The following CREBRF variants were observed in gnomAD, a reference collection of about 807,000 sequenced individuals.
CREBRF encodes UPF0474 protein C5orf41.
CREBRF carries 5 observed loss-of-function variants against 66.1 expected under a neutral mutation model. The ratio of observed to expected loss-of-function variants is 0.08; its 90% CI spans 0.04 to 0.16. The LOEUF is 0.16. Ranked by LOEUF, CREBRF falls within the 10% of genes least tolerant of loss-of-function variation. The pLI is 1.00. For missense variants in CREBRF, 531 were observed against 744.9 expected, an observed-to-expected ratio of 0.71 and a Z score of 3.34; for synonymous variants, 229 against 264.4, an observed-to-expected ratio of 0.87 and a Z score of 1.30.
intron 3 of CREBRF, among the ~76,000 whole-genome samples, chr5:173,087,524 C>T (rs1358969044): frequency 1.3e-5 from 2 of 149,710 alleles, no homozygotes; most frequent in African/African-American, 4.9e-5. Flanking sequence ...GGTGAAATTC[C>T]GTCTCTGCTA....
At chr5:173,125,488 T>C (rs1032318228) in intron 8 of CREBRF, among the ~76,000 whole-genome samples, 1 of 152,242 alleles carries the variant, frequency 6.6e-6, no homozygotes, top group African/African-American at 2.4e-5. Context: ...TGTGTGAAAT[T>C]AGTTCCTCTG....
intron 4 of CREBRF, among the ~76,000 whole-genome samples, chr5:173,093,570 G>A (rs190314091): frequency 4.7e-4 from 72 of 152,198 alleles, no homozygotes; most frequent in Non-Finnish European, 8.5e-4. Context: ...AGGCTGGAGT[G>A]CGGTGGCACA....
chr5:173,065,066 C>T (rs906482538), intron 1 of CREBRF, among the ~76,000 whole-genome samples: 1 of 152,154 alleles, frequency 6.6e-6, no homozygotes, highest in Non-Finnish European at 1.5e-5. Context: ...GAATCCTCTA[C>T]TAGAGTTGCC....
At chr5:173,117,598 C>T (rs1759027278) in intron 7 of CREBRF, among the ~76,000 whole-genome samples, 1 of 57,602 alleles carries the variant, frequency 1.7e-5, no homozygotes, top group East Asian at 4.1e-4. Context: ...TCCTTCCTTC[C>T]TTCCATCCCT....
chr5:173,095,770 A>G (rs1368134701), intron 4 of CREBRF, among the ~76,000 whole-genome samples: 2 of 150,048 alleles, frequency 1.3e-5, no homozygotes, highest in Non-Finnish European at 3.0e-5. Flanking sequence ...ATAGTTTTCA[A>G]TGTATAGATC....
chr5:173,100,885 G>A (rs2113757429), intron 4 of CREBRF, among the ~76,000 whole-genome samples: 2 of 152,286 alleles, frequency 1.3e-5, no homozygotes, highest in East Asian at 3.9e-4. Flanking sequence ...GGGTCTCACT[G>A]TGTTACTCAG....
At chr5:173,110,136 A>G (rs1758839288) in intron 5 of CREBRF, 1 of 248,030 alleles carries the variant, frequency 4.0e-6, no homozygotes, top group South Asian at 5.1e-5. Context: ...AAAATCTCCA[A>G]GCTCTCTTCC....
intron 4 of CREBRF, chr5:173,091,827 G>C: frequency 1.0e-6 from 1 of 980,530 alleles, no homozygotes; most frequent in South Asian, 4.7e-5. Context: ...GCTCACGTTA[G>C]TAATCCCAGC....
At chr5:173,072,187 A>G (rs1320303935) in intron 1 of CREBRF, among the ~76,000 whole-genome samples, 4 of 152,156 alleles carry the variant, frequency 2.6e-5, no homozygotes, top group African/African-American at 9.7e-5. Context: ...AGCTCACTAC[A>G]GTCTTGAACT....
chr5:173,086,557 T>C lies in CREBRF; in HGVS notation c.66T>C (p.Phe22=). Residue 22 remains phenylalanine, a synonymous_variant, in exon 3 of 9, where the codon TTT becomes TTC. Transcript: ENST00000296953. The part of the protein sequence containing the change: ...PFGDAFRSHT[F]SEQTLMSTDL... ...GGGATGCCTTTCGAAGCCACACCTT[T>C]TCGGAACAAACTCTGATGAGCACAG... 6.2e-7 allele frequency: 1 copy of C among 1,614,144 alleles called. No homozygotes were observed. The highest frequency in any genetic ancestry group is 8.5e-7 in the Non-Finnish European group (1 of 1,179,998).
Position 173,091,399 on chromosome 5 carries a change from C to G in CREBRF, c.1220C>G (p.Pro407Arg). The G allele has an allele frequency of 6.2e-7, 1 of 1,613,328 alleles. No individual in the cohort carries two copies. The highest frequency in any genetic ancestry group is 1.1e-5 in the South Asian group (1 of 91,038). Residue 407 changes from proline (P) to arginine (R), a missense_variant and splice_region_variant, in exon 4 of 9, where the codon CCA becomes CGA. Transcript: ENST00000296953. ...GATATTAGTGATACTTTCTCTGAAC[C>G]AGGTATTATAATGCTTGCAAGCTTA... is the stretch of plus-strand genomic sequence containing the variant. ...DDDISDTFSE[P>R]GYENDSVEDL...
chr5:173,090,912 G>A lies in CREBRF; in HGVS notation c.733G>A (p.Val245Met), dbSNP rs762345720. 1 of 1,614,218 alleles carries A rather than the reference G, an allele frequency of 6.2e-7. No homozygotes were observed. The highest frequency in any genetic ancestry group is 1.1e-5 in the South Asian group (1 of 91,088). Residue 245 changes from valine (V) to methionine (M), a missense_variant, in exon 4 of 9, where the codon GTG (valine) becomes ATG (methionine). By Grantham distance (21) the Val-to-Met change is conservative (BLOSUM62 1). This residue lies in a region of CREBRF where 309 missense variants were observed against 341.4 expected (regional missense o/e 0.90). Coordinates refer to ENST00000296953, the MANE Select transcript of CREBRF (RefSeq NM_153607.3). This position sits in a 1 kb window ranked among gnomAD's most constrained non-coding sequence, Gnocchi z 4.5. Reference protein sequence around the residue: ...VKKAKVKINPVQQSRPLLSQI... With the variant: ...VKKAKVKINPMQQSRPLLSQI... The stretch of plus-strand genomic sequence containing the variant: ...AAAGGCAAAGGTAAAGATCAACCCA[G>A]TGCAACAGAGCCGGCCCTTGTTGAG...
intron 7 of CREBRF, among the ~76,000 whole-genome samples, chr5:173,122,335 A>G (rs943294861): frequency 1.3e-5 from 2 of 152,146 alleles, no homozygotes; most frequent in South Asian, 4.1e-4. Flanking sequence ...TCCTGACCTC[A>G]TGCAGTCCAC....
chr5:173,119,202 CT>C (rs1369704782), intron 7 of CREBRF, among the ~76,000 whole-genome samples: 7 of 152,172 alleles, frequency 4.6e-5, no homozygotes, highest in Non-Finnish European at 8.8e-5. Context: ...ACTTTATCAT[CT>C]TTTACAGAAA....
chr5:173,070,906 A>G (rs1041166989), intron 1 of CREBRF, among the ~76,000 whole-genome samples: 2 of 152,238 alleles, frequency 1.3e-5, no homozygotes, highest in African/African-American at 2.4e-5. Flanking sequence ...ATTCATTTTC[A>G]GCCATCTCTT....
intron 4 of CREBRF, chr5:173,092,456 G>GT: frequency 1.0e-6 from 1 of 978,864 alleles, no homozygotes; most frequent in Non-Finnish European, 1.2e-6. Flanking sequence ...GGCTTGTGCA[G>GT]TTTATTTATA....
At chr5:173,066,978 T>G (rs1757454595) in intron 1 of CREBRF, among the ~76,000 whole-genome samples, 1 of 151,880 alleles carries the variant, frequency 6.6e-6, no homozygotes, top group Admixed American at 6.6e-5. Context: ...CATGCCTGAT[T>G]AATTTTTGAT....
Position 173,138,268 on chromosome 5 carries a change from G to GTC in CREBRF, c.*4524_*4525dup, listed in dbSNP as rs1321013642. 6 of 152,152 alleles carry GTC rather than the reference G, an allele frequency of 3.9e-5. No homozygotes were observed. Among genetic ancestry groups the GTC allele is most frequent in the Non-Finnish European group, 8.8e-5 (6 of 68,024 alleles). The allele number at this position is 152,152 out of a possible 1,614,324, so 9.4% of individuals were successfully genotyped here. A position where few individuals can be genotyped will look rare whatever the true frequency, so the allele number is the denominator to read the frequency against. ...AACACATTGGGATGTAACAATGAAT[G>GTC]TCAACTGTAGGAATGGTGGTTTCGT... On this transcript the variant is annotated 3_prime_UTR_variant, in exon 9 of 9. Coordinates refer to ENST00000296953, the MANE Select transcript of CREBRF (RefSeq NM_153607.3).
At chr5:173,080,976 A>G (rs535656292) in intron 2 of CREBRF, among the ~76,000 whole-genome samples, 192 bp downstream of exon 2, 1 of 152,264 alleles carries the variant, frequency 6.6e-6, no homozygotes, top group South Asian at 2.1e-4. Context: ...CTATCACTTG[A>G]AGTTTAATGA....
Sources: allele counts gnomAD v4.1 joint callset (sites outside exome capture counted in the v4.1 genomes callset), GRCh38; gene constraint gnomAD v4.1.1; regional missense constraint gnomAD v4.1.1; non-coding constraint Gnocchi (gnomAD v3.1); transcripts MANE v1.5; gene names NCBI Gene and HGNC (gene_info 2026-07-23, HGNC 2026-07-21).